Variants in RSPO4 observed in about 807,000 individuals in gnomAD.
RSPO4 encodes the protein R-spondin-4.
In RSPO4, 23 loss-of-function variants were observed where a neutral mutation model predicts 24.8. The ratio of observed to expected loss-of-function variants is 0.93; its 90% CI spans 0.67 to 1.31. The LOEUF (loss-of-function observed/expected upper bound fraction) is 1.31, where lower values mean the gene tolerates loss of function less well. RSPO4 is among the 40% of genes most tolerant of loss of function. The pLI, the probability that RSPO4 is intolerant of heterozygous loss-of-function variation, is 0.00. For synonymous variants in RSPO4, 141 were observed against 127.4 expected, an observed-to-expected ratio of 1.11 and a Z score of -0.72; for missense variants, 333 against 316.5, an observed-to-expected ratio of 1.05 and a Z score of -0.39.
Position 970,843 on chromosome 20 carries a change from G to T in RSPO4, c.80-2705C>A, listed in dbSNP as rs1319611722. On this transcript the variant is annotated intron_variant, in intron 1 of 4. Coordinates refer to ENST00000217260, the MANE Select transcript of RSPO4 (RefSeq NM_001029871.4). This position sits in a 1 kb window ranked among gnomAD's most constrained non-coding sequence, Gnocchi z 4.1. ...TCTTTTTGTGTTAAAAAGTTTTTTT[G>T]TTTGTTTTGTTTTGTTAAGACAGGA... 2.0e-5 allele frequency among the ~76,000 whole-genome samples: 3 copies of T among 152,002 alleles called. No homozygotes were observed. Among genetic ancestry groups the T allele is most frequent in the Non-Finnish European group, 4.4e-5 (3 of 67,988 alleles).
intron 1 of RSPO4, among the ~76,000 whole-genome samples, chr20:973,451 TTTGTTTTA>T (rs1306645609): frequency 8.9e-6 from 1 of 111,752 alleles, no homozygotes. Flanking sequence ...TTGTTTTTTG[TTTGTTTTA>T]TTGTTTGTTT....
At chr20:987,626 A>C (rs1470528347) in intron 1 of RSPO4, among the ~76,000 whole-genome samples, 1 of 152,054 alleles carries the variant, frequency 6.6e-6, no homozygotes, top group Non-Finnish European at 1.5e-5. Flanking sequence ...ATCTCTATGA[A>C]AATAAAAAAA....
chr20:991,092 A>T (rs990465581), intron 1 of RSPO4, among the ~76,000 whole-genome samples: 2 of 151,830 alleles, frequency 1.3e-5, no homozygotes, highest in Non-Finnish European at 2.9e-5. Context: ...CCAAGCTCAC[A>T]CTCTGGAGTG....
intron 1 of RSPO4, among the ~76,000 whole-genome samples, chr20:997,122 G>A (rs367890256): frequency 2.6e-5 from 4 of 152,186 alleles, no homozygotes; most frequent in African/African-American, 9.7e-5. Flanking sequence ...TGGGAAATAG[G>A]CATAACACAA....
intron 1 of RSPO4, among the ~76,000 whole-genome samples, chr20:991,624 CA>C (rs1289950283): frequency 6.6e-6 from 1 of 151,382 alleles, no homozygotes; most frequent in Non-Finnish European, 1.5e-5. Flanking sequence ...CAAATTTAAA[CA>C]GTTAAAATAA....
chr20:986,375 G>A (rs1321684296), intron 1 of RSPO4, among the ~76,000 whole-genome samples: 1 of 152,084 alleles, frequency 6.6e-6, no homozygotes, highest in East Asian at 1.9e-4. Context: ...TCCTTCTTCT[G>A]CTCCCCAACA....
Position 970,271 on chromosome 20 carries a change from A to T in RSPO4, c.80-2133T>A, listed in dbSNP as rs1331815677. ...CCTTTCTCTCTCCCTTCCATCCCTCAGTCCCTCTGTTCCTTCCTCCCTGCT... is the reference window on the plus strand; with the variant it reads ...CCTTTCTCTCTCCCTTCCATCCCTCTGTCCCTCTGTTCCTTCCTCCCTGCT... On this transcript the variant is annotated intron_variant, in intron 1 of 4. Transcript: ENST00000217260. This position sits in a 1 kb window ranked among gnomAD's most constrained non-coding sequence, Gnocchi z 4.1. Among the ~76,000 whole-genome samples the T allele has an allele frequency of 2.0e-5, 3 of 151,942 alleles. No individual in the cohort carries two copies. The highest frequency in any genetic ancestry group is 7.3e-5 in the African/African-American group (3 of 41,358).
intron 4 of RSPO4, among the ~76,000 whole-genome samples, chr20:963,021 C>T (rs909450357): frequency 1.3e-5 from 2 of 152,194 alleles, no homozygotes; most frequent in African/African-American, 4.8e-5. Flanking sequence ...TACTACTCAC[C>T]GTTCACATCT....
In RSPO4 at chr20:959,065, C is replaced by CTGGTGGTGGGTGTGGGCGAGTG. The variant is rs768666400; in HGVS notation, c.*1270_*1291dup. On this transcript the variant is annotated 3_prime_UTR_variant, in exon 5 of 5. Coordinates refer to ENST00000217260, the MANE Select transcript of RSPO4 (RefSeq NM_001029871.4). ...CAGCGAAGCACAGATGCTCAAGTCA[C>CTGGTGGTGGGTGTGGGCGAGTG]TGGTGGTGGGTGTGGGCGAGTGTGG... is the stretch of plus-strand genomic sequence containing the variant. 4.0e-5 allele frequency: 6 copies of CTGGTGGTGGGTGTGGGCGAGTG among 149,344 alleles called. No homozygotes were observed. Among genetic ancestry groups the CTGGTGGTGGGTGTGGGCGAGTG allele is most frequent in the East Asian group, 2.0e-4 (1 of 4,886 alleles). 9.3% of individuals were successfully genotyped at this position (149,344 alleles called of 1,614,324 possible).
chr20:965,653 G>A (rs1408913389), intron 3 of RSPO4, among the ~76,000 whole-genome samples: 1 of 152,212 alleles, frequency 6.6e-6, no homozygotes, highest in Non-Finnish European at 1.5e-5. Flanking sequence ...TGGGAAGAGG[G>A]CGGCACAGAG....
chr20:965,764 A>C (rs529022446), intron 3 of RSPO4, among the ~76,000 whole-genome samples: 141 of 152,302 alleles, frequency 9.3e-4, no homozygotes, highest in African/African-American at 3.2e-3. Flanking sequence ...CCTACCACCC[A>C]AAATATTATG....
Position 958,491 on chromosome 20 carries a change from A to G in RSPO4, c.*1866T>C, listed in dbSNP as rs1983863655. ...TTCCCTTTATTAAGAAAGTTTTAAA[A>G]AAAAGTTAGGGTCTTGAAACAATAA... On this transcript the variant is annotated 3_prime_UTR_variant, in exon 5 of 5. Transcript: ENST00000217260. 6.6e-6 allele frequency: 1 copy of G among 152,216 alleles called. No individual in the cohort carries two copies. The highest frequency in any genetic ancestry group is 1.5e-5 in the Non-Finnish European group (1 of 68,036). The allele number at this position is 152,216 out of a possible 1,614,324, so 9.4% of individuals were successfully genotyped here.
chr20:975,433 C>T (rs909929498), intron 1 of RSPO4, among the ~76,000 whole-genome samples: 2 of 152,196 alleles, frequency 1.3e-5, no homozygotes, highest in Admixed American at 1.3e-4. Flanking sequence ...ATAATCAAGA[C>T]CATCCTCCCT....
At chr20:964,150 A>G (rs1984106344) in intron 3 of RSPO4, 30 bp from the exon 4 acceptor site, 1 of 1,585,460 alleles carries the variant, frequency 6.3e-7, no homozygotes, top group Non-Finnish European at 8.6e-7. Context: ...ACAGACAGAC[A>G]GACAGACAGG....
intron 1 of RSPO4, among the ~76,000 whole-genome samples, chr20:975,778 G>C (rs1984544743): frequency 6.6e-6 from 1 of 152,096 alleles, no homozygotes; most frequent in Non-Finnish European, 1.5e-5. Flanking sequence ...ATGAGCTTTG[G>C]GGCAGTTGTG....
At position 967,244 on chromosome 20, in the gene RSPO4, C is replaced by T. The variant is rs753033719; in HGVS notation, c.339G>A (p.Leu113=). The T allele has an allele frequency of 6.2e-7, 1 of 1,614,220 alleles. No individual in the cohort carries two copies. Among genetic ancestry groups the T allele is most frequent in the South Asian group, 1.1e-5 (1 of 91,090 alleles). Residue 113 remains leucine, a synonymous_variant, in exon 3 of 5, where the codon TTG becomes TTA. Transcript: ENST00000217260. The part of the protein sequence containing the change: ...FCIRCKRQFY[L]YKGKCLPTCP... ...AGGTGGGCAGACACTTCCCCTTGTACAAGTAAAACTGCCTCTTGCACCGGA... is the reference window on the plus strand; with the variant it reads ...AGGTGGGCAGACACTTCCCCTTGTATAAGTAAAACTGCCTCTTGCACCGGA...
chr20:969,758 T>C (rs1984350298), intron 1 of RSPO4, among the ~76,000 whole-genome samples: 1 of 150,498 alleles, frequency 6.6e-6, no homozygotes, highest in Non-Finnish European at 1.5e-5. Context: ...GAGTAGGAGG[T>C]GGGGGAGAGT....
At chr20:992,409 G>C (rs1364650347) in intron 1 of RSPO4, among the ~76,000 whole-genome samples, 1 of 151,816 alleles carries the variant, frequency 6.6e-6, no homozygotes, top group African/African-American at 2.4e-5. Flanking sequence ...CCTATCCTCT[G>C]AATCTGGCAT....
At chr20:969,268 C>T (rs549021116) in intron 1 of RSPO4, among the ~76,000 whole-genome samples, 2 of 152,346 alleles carry the variant, frequency 1.3e-5, no homozygotes, top group African/African-American at 4.8e-5. Context: ...TGTGTTTGTG[C>T]CACTGTACTC....
Sources: gnomAD v4.1 joint callset for allele counts (sites outside exome capture counted in the v4.1 genomes callset) on GRCh38, gnomAD v4.1.1 for gene constraint, Gnocchi (gnomAD v3.1) non-coding constraint, MANE v1.5 for transcripts, NCBI Gene and HGNC (gene_info 2026-07-23, HGNC 2026-07-21) for gene names.